The following KIAA1328 variants were observed in gnomAD, a reference collection of about 807,000 sequenced individuals.
KIAA1328 encodes protein hinderin.
Under a neutral mutation model 68.1 loss-of-function variants are expected in KIAA1328, and 52 were observed. The ratio of observed to expected loss-of-function variants is 0.76; its 90% CI spans 0.61 to 0.96. The LOEUF is 0.96. Among genes scored for constraint, KIAA1328 ranks in the 40% least tolerant of loss-of-function variants. The probability of loss-of-function intolerance (pLI) is 0.00; values close to 1 mark genes in which losing one functional copy is unlikely to be tolerated. For synonymous variants in KIAA1328, 232 were observed against 239.4 expected (o/e 0.97, Z 0.28); for missense variants, 641 against 677.6 (o/e 0.95, Z 0.60).
At chr18:37,175,075 C>A (rs1254370752) in intron 9 of KIAA1328, among the ~76,000 whole-genome samples, 1 of 152,096 alleles carries the variant, frequency 6.6e-6, no homozygotes. Context: ...GATCACTTAA[C>A]GTTGTGGCTG....
chr18:37,123,600 C>T (rs1392901903), intron 7 of KIAA1328, among the ~76,000 whole-genome samples: 1 of 151,870 alleles, frequency 6.6e-6, no homozygotes, highest in Non-Finnish European at 1.5e-5. Flanking sequence ...TAATAAATCC[C>T]AAAATAAGTT....
intron 6 of KIAA1328, among the ~76,000 whole-genome samples, chr18:37,010,662 T>A (rs2053949257): frequency 6.6e-6 from 1 of 152,114 alleles, no homozygotes; most frequent in Non-Finnish European, 1.5e-5. Flanking sequence ...ATAAGCATTG[T>A]CTGTACTGTG....
chr18:36,844,347 A>G (rs2046958016), intron 4 of KIAA1328, 45 bp downstream of exon 4: 1 of 1,262,962 alleles, frequency 7.9e-7, no homozygotes, highest in Non-Finnish European at 1.1e-6. Flanking sequence ...ACAAAAGACA[A>G]CTCTTATTGA....
At chr18:37,106,559 C>A (rs1271813783) in intron 7 of KIAA1328, among the ~76,000 whole-genome samples, 1 of 151,976 alleles carries the variant, frequency 6.6e-6, no homozygotes, top group Non-Finnish European at 1.5e-5. Context: ...GCTGGAACTA[C>A]AGGCGTGCCC....
At chr18:37,125,084 A>G (rs1046788795) in intron 7 of KIAA1328, among the ~76,000 whole-genome samples, 3 of 152,132 alleles carry the variant, frequency 2.0e-5, no homozygotes, top group African/African-American at 7.2e-5. Flanking sequence ...TCCCAGCATT[A>G]TGGGAGGCCG....
chr18:36,834,848 T>TTA (rs2046618925), intron 2 of KIAA1328, among the ~76,000 whole-genome samples: 1 of 152,156 alleles, frequency 6.6e-6, no homozygotes, highest in African/African-American at 2.4e-5. Flanking sequence ...TAATGTGACT[T>TTA]ATGAATATTT....
intron 5 of KIAA1328, among the ~76,000 whole-genome samples, chr18:36,905,601 T>TA (rs1309661693): frequency 6.6e-6 from 1 of 152,108 alleles, no homozygotes; most frequent in Non-Finnish European, 1.5e-5. Flanking sequence ...GTTCAATTTT[T>TA]AAAAAAATGT....
At chr18:37,178,959 T>C (rs1398527854) in intron 9 of KIAA1328, among the ~76,000 whole-genome samples, 1 of 152,212 alleles carries the variant, frequency 6.6e-6, no homozygotes, top group East Asian at 1.9e-4. Flanking sequence ...GAGTTCCTTA[T>C]ATATTTTGCA....
In KIAA1328 at chr18:37,151,375, AT is replaced by A. The variant is rs1245865750; in HGVS notation, c.1233-8822del. On this transcript the variant is annotated intron_variant, in intron 7 of 9. Coordinates refer to ENST00000280020, the MANE Select transcript of KIAA1328 (RefSeq NM_020776.3). ...CAAACTGAGTCTTAGATTCAATGCA[AT>A]TTCAGTCAAAATACCAACATACTGT... 3.9e-5 allele frequency among the ~76,000 whole-genome samples: 6 copies of A among 152,308 alleles called. No homozygotes were observed. In the East Asian group the frequency reaches 1.2e-3, roughly 29 times the overall value.
At chr18:37,090,295 G>A (rs2057232851) in intron 7 of KIAA1328, among the ~76,000 whole-genome samples, 1 of 151,982 alleles carries the variant, frequency 6.6e-6, no homozygotes, top group African/African-American at 2.4e-5. Flanking sequence ...AATAAAATTT[G>A]CTTGAAATTA....
intron 7 of KIAA1328, among the ~76,000 whole-genome samples, chr18:37,116,963 A>G (rs1316484151): frequency 5.3e-5 from 8 of 152,370 alleles, no homozygotes; most frequent in African/African-American, 1.9e-4. Flanking sequence ...ACAATGAAAT[A>G]CCATCTCACA....
At chr18:37,210,714 C>G (rs1395376660) in intron 9 of KIAA1328, among the ~76,000 whole-genome samples, 1 of 152,170 alleles carries the variant, frequency 6.6e-6, no homozygotes, top group African/African-American at 2.4e-5. Flanking sequence ...CTGCTCTTTT[C>G]TGACATTTAG....
intron 5 of KIAA1328, 161 bp downstream of exon 5, chr18:36,885,833 C>T: frequency 3.7e-6 from 2 of 539,422 alleles, no homozygotes; most frequent in South Asian, 2.7e-5. Flanking sequence ...TCTCCTACCT[C>T]AGCCTCCCGA....
chr18:36,838,254 T>C (rs1377440798), intron 3 of KIAA1328, among the ~76,000 whole-genome samples: 2 of 152,218 alleles, frequency 1.3e-5, no homozygotes, highest in Admixed American at 6.5e-5. Context: ...TGTCTGTGAA[T>C]AGAGATAGTT....
intron 6 of KIAA1328, among the ~76,000 whole-genome samples, chr18:37,040,684 T>C (rs1021976805): frequency 1.5e-4 from 23 of 151,876 alleles, no homozygotes; most frequent in South Asian, 2.1e-4. Flanking sequence ...TTTTCTGATA[T>C]AGATGTTTAA....
At chr18:37,041,081 T>G (rs1030160524) in intron 6 of KIAA1328, among the ~76,000 whole-genome samples, 1 of 152,012 alleles carries the variant, frequency 6.6e-6, no homozygotes, top group Non-Finnish European at 1.5e-5. Context: ...ATTAGTAGTA[T>G]TGTTCAAATC....
intron 7 of KIAA1328, among the ~76,000 whole-genome samples, chr18:37,117,610 T>C (rs953558149): frequency 3.9e-5 from 6 of 152,108 alleles, no homozygotes; most frequent in Non-Finnish European, 7.4e-5. Flanking sequence ...ACCTGCACAT[T>C]GTGCACATGT....
At position 36,829,208 on chromosome 18, in the gene KIAA1328, C is replaced by G. The variant is rs1384364522; in HGVS notation, c.58+12C>G. ...CTGGAGCCGGGACTGTATCCTTTGCCCGCCTGACAGGGGGCGCCGGCGCCC... is the reference window on the plus strand; with the variant it reads ...CTGGAGCCGGGACTGTATCCTTTGCGCGCCTGACAGGGGGCGCCGGCGCCC... On this transcript the variant is annotated intron_variant, in intron 1 of 9. Transcript: ENST00000280020. The G allele has an allele frequency of 6.6e-7, 1 of 1,515,096 alleles. No individual in the cohort carries two copies. Among genetic ancestry groups the G allele is most frequent in the South Asian group, 1.2e-5 (1 of 80,844 alleles). The allele number at this position is 1,515,096 out of a possible 1,614,324, so 93.9% of individuals were successfully genotyped here.
At chr18:37,020,951 G>C (rs322634) in intron 6 of KIAA1328, among the ~76,000 whole-genome samples, 1 of 152,012 alleles carries the variant, frequency 6.6e-6, no homozygotes, top group Non-Finnish European at 1.5e-5. Context: ...AAAGTATTTT[G>C]AAATAAAAAA....
Sources: allele counts gnomAD v4.1 joint callset (sites outside exome capture counted in the v4.1 genomes callset), GRCh38; gene constraint gnomAD v4.1.1; transcripts MANE v1.5; gene names NCBI Gene and HGNC (gene_info 2026-07-23, HGNC 2026-07-21).